Variants in XPC observed in about 807,000 individuals in gnomAD.
XPC encodes the protein XPC complex subunit, DNA damage recognition and repair factor.
In XPC, 76 loss-of-function variants were observed where a neutral mutation model predicts 95.8. That is an observed-to-expected ratio of 0.79 (90% CI 0.66 to 0.96). The LOEUF (loss-of-function observed/expected upper bound fraction) is 0.96, where lower values mean the gene tolerates loss of function less well. XPC is among the 40% of genes least tolerant of loss of function. The pLI, the probability that XPC is intolerant of heterozygous loss-of-function variation, is 0.00. For missense variants in XPC, 1,146 were observed against 1,179.8 expected (o/e 0.97, Z 0.42); for synonymous variants, 442 against 442.1 (o/e 1.00, Z 0.00).
chr3:14,161,480 G>T (rs1696163573), intron 7 of XPC, among the ~76,000 whole-genome samples: 1 of 151,174 alleles, frequency 6.6e-6, no homozygotes, highest in African/African-American at 2.5e-5. Context: ...TGACCAAGTG[G>T]TACTTATCCT....
Position 14,173,020 on chromosome 3 carries a change from G to C in XPC, c.146C>G (p.Ser49Cys), listed in dbSNP as rs761266459. The change falls in exon 2 of 16, where the codon TCC becomes TGC. Residue 49 changes from serine (S) to cysteine (C), a missense_variant. Ser to Cys is a moderately radical substitution (Grantham distance 112). Coordinates refer to ENST00000285021, the MANE Select transcript of XPC (RefSeq NM_004628.5). ...DEKPPKKSLL[S>C]KVSQGKRKRG... The stretch of plus-strand genomic sequence containing the variant: ...TTTCCTCTTTCCTTGTGAAACTTTG[G>C]AGAGAAGGCTCTTCTTTGGGGGTTT... The C allele has an allele frequency of 1.2e-6, 2 of 1,608,516 alleles. No individual in the cohort carries two copies. The highest frequency in any genetic ancestry group is 1.7e-6 in the Non-Finnish European group (2 of 1,177,586).
At chr3:14,166,881 T>C (rs541757040) in intron 5 of XPC, among the ~76,000 whole-genome samples, 1 of 152,348 alleles carries the variant, frequency 6.6e-6, no homozygotes, top group Non-Finnish European at 1.5e-5. Flanking sequence ...GGGATTAGAA[T>C]TAATGACATT....
chr3:14,168,770 C>A (rs550581667), intron 3 of XPC, among the ~76,000 whole-genome samples: 2 of 151,644 alleles, frequency 1.3e-5, no homozygotes, highest in South Asian at 2.1e-4. Context: ...TTCTGTATTA[C>A]CACAATAACA....
chr3:14,169,544 T>C (rs1696527934), intron 3 of XPC, among the ~76,000 whole-genome samples: 1 of 152,186 alleles, frequency 6.6e-6, no homozygotes, highest in Non-Finnish European at 1.5e-5. Context: ...AAAGACCAAA[T>C]ACAAGGCTTG....
rs781224713 is a variant in XPC at position 14,178,583 on chromosome 3, C to T, written c.-15G>A. 1.2e-6 allele frequency: 2 copies of T among 1,612,472 alleles called. No individual in the cohort carries two copies. The highest frequency in any genetic ancestry group is 8.5e-7 in the Non-Finnish European group (1 of 1,179,084). On this transcript the variant is annotated 5_prime_UTR_variant, in exon 1 of 16. Coordinates refer to ENST00000285021, the MANE Select transcript of XPC (RefSeq NM_004628.5). The stretch of plus-strand genomic sequence containing the variant: ...TTCCGAGCCATGTTGCTTGTCTGGG[C>T]AAATTCCACTTCGCGAGTGACGCAC...
chr3:14,178,330 G>C (rs1032061507), intron 1 of XPC, 136 bp downstream of exon 1: 6 of 1,027,812 alleles, frequency 5.8e-6, no homozygotes, highest in Non-Finnish European at 6.7e-6. Flanking sequence ...GCCGCAGCCT[G>C]CCGGGCTGCC....
chr3:14,178,445 C>T (rs749302624), intron 1 of XPC, 21 bp downstream of exon 1: 1 of 1,585,608 alleles, frequency 6.3e-7, no homozygotes, highest in Admixed American at 1.8e-5. Context: ...TCCCGCGAAG[C>T]CCGCTGGGCC....
rs1695390611 is a variant in XPC at position 14,145,638 on chromosome 3, G to C, written c.*303C>G. ...TCTAAAGATGGAAAGAACAGGTCTA[G>C]GAGGCAGAAGAGTATCTCCTAGCAA... On this transcript the variant is annotated 3_prime_UTR_variant, in exon 16 of 16. Coordinates refer to ENST00000285021, the MANE Select transcript of XPC (RefSeq NM_004628.5). 1.4e-6 allele frequency: 1 copy of C among 699,282 alleles called. No individual in the cohort carries two copies. The highest frequency in any genetic ancestry group is 1.7e-5 in the African/African-American group (1 of 57,166). The allele number at this position is 699,282 out of a possible 1,614,324, so 43.3% of individuals were successfully genotyped here.
chr3:14,168,736 G>A (rs1391634686), intron 3 of XPC, among the ~76,000 whole-genome samples: 1 of 151,584 alleles, frequency 6.6e-6, no homozygotes, highest in Non-Finnish European at 1.5e-5. Context: ...AAACCCAAGT[G>A]AGAATAATCT....
At chr3:14,172,756 G>A in intron 2 of XPC, 111 bp downstream of exon 2, 4 of 1,247,052 alleles carry the variant, frequency 3.2e-6, no homozygotes, top group Non-Finnish European at 4.4e-6. Context: ...AGAATTTAAA[G>A]ATCCAATCTT....
Position 14,170,442 on chromosome 3 carries a change from A to C in XPC, c.408T>G (p.Val136=), listed in dbSNP as rs1266847680. The change falls in exon 3 of 16, where the codon GTT becomes GTG. Residue 136 remains valine, a synonymous_variant. Transcript: ENST00000285021. The part of the protein sequence containing the change: ...EEESENDWEE[V]EELSEPVLGD... The stretch of plus-strand genomic sequence containing the variant: ...AAACAAAGAAAGATGTTTCACCTTC[A>C]ACCTCTTCCCAATCATTTTCACTTT... 7 of 1,613,498 alleles carry C rather than the reference A, an allele frequency of 4.3e-6. No homozygotes were observed. The Admixed American group carries it at 1.2e-4, about 27-fold the overall frequency.
chr3:14,176,737 T>C (rs977750025), intron 1 of XPC, among the ~76,000 whole-genome samples: 24 of 152,250 alleles, frequency 1.6e-4, no homozygotes, highest in Non-Finnish European at 4.4e-5. Flanking sequence ...GCCGGTTACC[T>C]AGTCTAATCT....
At chr3:14,150,947 G>A (rs927483658) in intron 11 of XPC, among the ~76,000 whole-genome samples, 9 of 152,294 alleles carry the variant, frequency 5.9e-5, no homozygotes, top group Middle Eastern at 3.4e-3. Flanking sequence ...GACTAAAGGC[G>A]CTGGCCAAGG....
intron 2 of XPC, 42 bp from the exon 3 acceptor site, chr3:14,170,592 C>T (rs1696571649): frequency 1.4e-6 from 2 of 1,478,210 alleles, no homozygotes; most frequent in South Asian, 2.5e-5. Flanking sequence ...AAGACTCAGA[C>T]ATCCTAGTGT....
chr3:14,147,596 C>T (rs1456069286), intron 14 of XPC: 9 of 613,360 alleles, frequency 1.5e-5, no homozygotes, highest in Non-Finnish European at 2.3e-5. Flanking sequence ...TTAATCGTTA[C>T]TGACTCCAAA....
Position 14,158,416 on chromosome 3 carries a change from C to T in XPC, c.1467G>A (p.Gly489=), listed in dbSNP as rs956967735. 3 of 1,613,850 alleles carry T rather than the reference C, an allele frequency of 1.9e-6. No homozygotes were observed. The highest frequency in any genetic ancestry group is 2.7e-5 in the African/African-American group (2 of 74,994). Reference sequence around the variant, plus strand: ...GCAAGCTTGGGTCCTTACGATGGCTCCCACGATGGGTCCTGGAGGCACTCT... The same window carrying T: ...GCAAGCTTGGGTCCTTACGATGGCTTCCACGATGGGTCCTGGAGGCACTCT... ...GSKSASRTHR[G]SHRKDPSLPA... The change falls in exon 9 of 16, where the codon GGG becomes GGA. Residue 489 remains glycine, a synonymous_variant. Transcript: ENST00000285021. The surrounding 1 kb of genome is among the most constrained non-coding windows in gnomAD (Gnocchi z 5.2).
chr3:14,149,106 CAG>C (rs1203417791), intron 11 of XPC, among the ~76,000 whole-genome samples, 158 bp from the exon 12 acceptor site: 7 of 151,244 alleles, frequency 4.6e-5, no homozygotes, highest in East Asian at 1.9e-4. Context: ...TTTTTTGAGA[CAG>C]AGTCTCGCTC....
chr3:14,169,114 G>T (rs1031418448), intron 3 of XPC, among the ~76,000 whole-genome samples: 1 of 152,188 alleles, frequency 6.6e-6, no homozygotes, highest in African/African-American at 2.4e-5. Context: ...CAAGTCTACA[G>T]CAAGAAAAGT....
chr3:14,163,326 C>T (rs886620828), intron 7 of XPC, among the ~76,000 whole-genome samples: 1 of 152,154 alleles, frequency 6.6e-6, no homozygotes, highest in Non-Finnish European at 1.5e-5. Context: ...ACACTCTTCA[C>T]AACAGCCACA....
Sources: allele counts gnomAD v4.1 joint callset (sites outside exome capture counted in the v4.1 genomes callset), GRCh38; gene constraint gnomAD v4.1.1; non-coding constraint Gnocchi (gnomAD v3.1); transcripts MANE v1.5; gene names NCBI Gene and HGNC (gene_info 2026-07-23, HGNC 2026-07-21).